DGKI: variants seen among roughly 807,000 people sequenced by gnomAD.
DGKI encodes the protein diacylglycerol kinase iota.
DGKI carries 55 observed loss-of-function variants against 147.5 expected under a neutral mutation model. The observed-to-expected ratio is 0.37, with a 90% CI of 0.30 to 0.47. The LOEUF (loss-of-function observed/expected upper bound fraction) is 0.47, where lower values mean the gene tolerates loss of function less well. DGKI is among the 20% of genes least tolerant of loss of function. The pLI, the probability that DGKI is intolerant of heterozygous loss-of-function variation, is 1.00. For synonymous variants in DGKI, 469 were observed against 477.1 expected, an observed-to-expected ratio of 0.98 and a Z score of 0.22; for missense variants, 1,007 against 1,323.8, an observed-to-expected ratio of 0.76 and a Z score of 3.71.
intron 31 of DGKI, 120 bp from the exon 32 acceptor site, chr7:137,395,817 G>T: frequency 2.5e-6 from 2 of 808,966 alleles, no homozygotes; most frequent in East Asian, 2.7e-5. Context: ...CTGAGACTTT[G>T]GCTGTAGGGT....
At position 137,577,212 on chromosome 7, in the gene DGKI, C is replaced by A; in HGVS notation, c.1761+10G>T. ...TTCAAATTAAATAAATCAACATATT[C>A]AATACTTACAACAACTTTAACATGT... On this transcript the variant is annotated intron_variant, in intron 17 of 32. Transcript: ENST00000614521. The A allele has an allele frequency of 6.4e-7, 1 of 1,568,088 alleles. No individual in the cohort carries two copies. The highest frequency in any genetic ancestry group is 1.1e-5 in the South Asian group (1 of 87,128).
intron 20 of DGKI, among the ~76,000 whole-genome samples, chr7:137,543,379 C>A (rs930744339): frequency 6.6e-6 from 1 of 152,158 alleles, no homozygotes; most frequent in Non-Finnish European, 1.5e-5. Flanking sequence ...CATATGTTGT[C>A]ATATATGGTC....
At chr7:137,580,624 A>G (rs1819155238) in intron 15 of DGKI, among the ~76,000 whole-genome samples, 1 of 152,144 alleles carries the variant, frequency 6.6e-6, no homozygotes, top group East Asian at 1.9e-4. Context: ...GGAAGGTCAA[A>G]GTCTGCTAAC....
intron 28 of DGKI, among the ~76,000 whole-genome samples, chr7:137,438,365 A>C (rs1220317278): frequency 2.0e-5 from 3 of 152,128 alleles, no homozygotes; most frequent in African/African-American, 4.8e-5. Flanking sequence ...ACAAATTAAA[A>C]TCACATTGAG....
intron 1 of DGKI, among the ~76,000 whole-genome samples, chr7:137,835,988 C>T (rs549571931): frequency 6.6e-6 from 1 of 152,060 alleles, no homozygotes. Flanking sequence ...TACGGGGTTG[C>T]CTAAGATTGT....
At chr7:137,586,230 G>A (rs1266709471) in intron 13 of DGKI, among the ~76,000 whole-genome samples, 3 of 152,064 alleles carry the variant, frequency 2.0e-5, no homozygotes, top group Admixed American at 2.0e-4. Flanking sequence ...TTTGAGACCA[G>A]CCTGGCCAAC....
chr7:137,635,855 T>C (rs1821290908), intron 6 of DGKI, among the ~76,000 whole-genome samples: 1 of 152,210 alleles, frequency 6.6e-6, no homozygotes, highest in Non-Finnish European at 1.5e-5. Flanking sequence ...TGGCCCACTT[T>C]GGGAGTTTGT....
At chr7:137,722,297 C>G (rs903064831) in intron 1 of DGKI, 16 of 1,612,202 alleles carry the variant, frequency 9.9e-6, no homozygotes, top group Admixed American at 3.3e-5. Flanking sequence ...AACGGCAGTA[C>G]CCGGGTGGTT....
chr7:137,442,187 T>C (rs1323720004), intron 28 of DGKI, among the ~76,000 whole-genome samples: 5 of 152,204 alleles, frequency 3.3e-5, no homozygotes, highest in Non-Finnish European at 4.4e-5. Context: ...GAAATTATAA[T>C]GGCCCTCTAA....
chr7:137,528,092 A>C (rs1817214462), intron 20 of DGKI, among the ~76,000 whole-genome samples: 3 of 152,198 alleles, frequency 2.0e-5, no homozygotes, highest in Admixed American at 1.3e-4. Context: ...ATTCCTCTGC[A>C]ACTGTACATG....
chr7:137,695,109 C>T (rs1012746403), intron 1 of DGKI, among the ~76,000 whole-genome samples: 2 of 152,150 alleles, frequency 1.3e-5, no homozygotes, highest in Non-Finnish European at 2.9e-5. Context: ...ACGTTTGTTA[C>T]CTTCACAGTG....
intron 19 of DGKI, among the ~76,000 whole-genome samples, chr7:137,570,912 T>C (rs1196918399): frequency 6.6e-6 from 1 of 152,164 alleles, no homozygotes; most frequent in Non-Finnish European, 1.5e-5. Flanking sequence ...TTAATTAGCA[T>C]AAAAACTTTT....
chr7:137,537,149 G>A (rs1817547644), intron 20 of DGKI, among the ~76,000 whole-genome samples: 1 of 152,160 alleles, frequency 6.6e-6, no homozygotes, highest in Admixed American at 6.5e-5. Flanking sequence ...AGTCTGAAGT[G>A]AAATTACTAG....
intron 10 of DGKI, among the ~76,000 whole-genome samples, chr7:137,604,638 C>T (rs912047151): frequency 6.6e-6 from 1 of 152,152 alleles, no homozygotes; most frequent in Non-Finnish European, 1.5e-5. Context: ...GATTCCACAT[C>T]GAACAGTGTG....
At chr7:137,701,492 G>A (rs1469615128) in intron 1 of DGKI, among the ~76,000 whole-genome samples, 1 of 152,142 alleles carries the variant, frequency 6.6e-6, no homozygotes, top group East Asian at 1.9e-4. Context: ...GAATGAGTAA[G>A]TTTGGAGTCA....
intron 5 of DGKI, 95 bp from the exon 6 acceptor site, chr7:137,645,632 T>A: frequency 8.7e-7 from 1 of 1,150,724 alleles, no homozygotes; most frequent in Non-Finnish European, 1.2e-6. Flanking sequence ...AGTGGTATAA[T>A]CATAGTTCAC....
intron 10 of DGKI, among the ~76,000 whole-genome samples, chr7:137,606,838 A>G (rs1199677191): frequency 1.3e-5 from 2 of 152,230 alleles, no homozygotes; most frequent in South Asian, 2.1e-4. Flanking sequence ...CTCAAAATGA[A>G]TAATCGGCAT....
chr7:137,524,719 T>C (rs369966512), intron 20 of DGKI, among the ~76,000 whole-genome samples: 43 of 152,114 alleles, frequency 2.8e-4, no homozygotes, highest in Middle Eastern at 3.4e-3. Context: ...ATAGGAGAAG[T>C]TGAGGAGGGG....
At chr7:137,624,876 G>A (rs1467404651) in intron 6 of DGKI, among the ~76,000 whole-genome samples, 1 of 151,870 alleles carries the variant, frequency 6.6e-6, no homozygotes, top group Non-Finnish European at 1.5e-5. Context: ...AAAGTGCTAG[G>A]ATTATAGGCG....
Sources: gnomAD v4.1 joint callset for allele counts (sites outside exome capture counted in the v4.1 genomes callset) on GRCh38, gnomAD v4.1.1 for gene constraint, MANE v1.5 for transcripts, NCBI Gene and HGNC (gene_info 2026-07-23, HGNC 2026-07-21) for gene names.